DLGAP2: variants seen among roughly 807,000 people sequenced by gnomAD.
DLGAP2 encodes DLG associated protein 2, also known as disks large-associated protein 2.
A neutral mutation model predicts 100.3 loss-of-function variants in DLGAP2; 26 were observed. The observed-to-expected ratio is 0.26, with a 90% CI of 0.19 to 0.36. The LOEUF is 0.36. Among genes scored for constraint, DLGAP2 ranks in the 10% least tolerant of loss-of-function variants. The probability of loss-of-function intolerance (pLI) is 1.00; values close to 1 mark genes in which losing one functional copy is unlikely to be tolerated. For missense variants in DLGAP2, 1,858 were observed against 1,453.2 expected, an observed-to-expected ratio of 1.28 and a Z score of -4.53; for synonymous variants, 886 against 630.1, an observed-to-expected ratio of 1.41 and a Z score of -6.08.
chr8:1,524,691 C>A (rs767939297), intron 4 of DLGAP2, among the ~76,000 whole-genome samples: 22 of 152,272 alleles, frequency 1.4e-4, no homozygotes, highest in Middle Eastern at 3.4e-3. Flanking sequence ...AAAACCTTCT[C>A]ATTGCCTTTC....
chr8:1,184,580 C>T (rs1264508630), intron 2 of DLGAP2, among the ~76,000 whole-genome samples: 1 of 152,192 alleles, frequency 6.6e-6, no homozygotes, highest in Non-Finnish European at 1.5e-5. Context: ...GGTCGACCTG[C>T]ATCTTAAACT....
At chr8:1,224,088 C>G (rs757772516) in intron 2 of DLGAP2, among the ~76,000 whole-genome samples, 9 of 152,156 alleles carry the variant, frequency 5.9e-5, no homozygotes, top group Non-Finnish European at 5.9e-5. Context: ...TTTGTGGCAT[C>G]GTGGCAGACA....
At chr8:1,151,264 T>C (rs1796692025) in intron 2 of DLGAP2, among the ~76,000 whole-genome samples, 1 of 152,160 alleles carries the variant, frequency 6.6e-6, no homozygotes, top group Non-Finnish European at 1.5e-5. Flanking sequence ...AGGAGAAAAG[T>C]CATACACATT....
intron 1 of DLGAP2, among the ~76,000 whole-genome samples, chr8:903,111 C>G (rs2128997819): frequency 6.6e-6 from 1 of 152,060 alleles, no homozygotes; most frequent in South Asian, 2.1e-4. Flanking sequence ...AAGCGGCCGT[C>G]AGAGTCCCTA....
intron 2 of DLGAP2, among the ~76,000 whole-genome samples, chr8:1,142,637 G>A (rs978601924): frequency 4.6e-5 from 7 of 152,180 alleles, no homozygotes; most frequent in Admixed American, 2.6e-4. Flanking sequence ...TGGGAAGTGC[G>A]GCGACTTCGG....
intron 2 of DLGAP2, among the ~76,000 whole-genome samples, chr8:1,102,239 A>G (rs1804608430): frequency 6.8e-6 from 1 of 147,910 alleles, no homozygotes; most frequent in African/African-American, 2.5e-5. Flanking sequence ...TCAAGCTTTT[A>G]CTGATTAATA....
intron 6 of DLGAP2, among the ~76,000 whole-genome samples, chr8:1,610,457 C>A (rs1187481059): frequency 1.4e-5 from 2 of 147,000 alleles, no homozygotes; most frequent in African/African-American, 2.5e-5. Context: ...AAATTGACAC[C>A]CTAACATCAC....
intron 2 of DLGAP2, among the ~76,000 whole-genome samples, chr8:1,221,005 A>G (rs762457156): frequency 3.3e-5 from 5 of 152,168 alleles, no homozygotes; most frequent in Admixed American, 3.3e-4. Flanking sequence ...CACATGTGAG[A>G]TGAGTCTCTT....
intron 2 of DLGAP2, among the ~76,000 whole-genome samples, chr8:1,121,187 G>A (rs1428527535): frequency 1.4e-4 from 13 of 95,998 alleles, no homozygotes; most frequent in South Asian, 3.7e-4. Context: ...ATGACCACCC[G>A]TCCTCCCCTT....
Position 1,668,686 on chromosome 8 carries a change from C to T in DLGAP2, c.2160+8C>T, listed in dbSNP as rs1798610994. 7.2e-6 allele frequency: 11 copies of T among 1,517,592 alleles called. No homozygotes were observed. In the South Asian group the frequency reaches 7.6e-5, roughly 11 times the overall value. 94.0% of individuals were successfully genotyped at this position (1,517,592 alleles called of 1,614,324 possible). On this transcript the variant is annotated splice_region_variant and intron_variant, in intron 9 of 14. Transcript: ENST00000637795. ...TCCTCCATCGGGATTCAGGTAGCTG[C>T]TCTTGGCCGCCCGTCAGGGCCTCGC... is the stretch of plus-strand genomic sequence containing the variant.
At chr8:1,384,470 GGCCCC>G in intron 3 of DLGAP2, among the ~76,000 whole-genome samples, 2 of 73,090 alleles carry the variant, frequency 2.7e-5, no homozygotes, top group African/African-American at 4.9e-5. Flanking sequence ...GCCTGTGCCC[GGCCCC>G]TGAGAACTTG....
intron 12 of DLGAP2, among the ~76,000 whole-genome samples, chr8:1,686,600 G>A (rs899735281): frequency 1.3e-5 from 2 of 152,052 alleles, no homozygotes; most frequent in African/African-American, 4.8e-5. Flanking sequence ...CTTGAACCTG[G>A]GAGGCAGAGG....
rs570083654 is a variant in DLGAP2 at position 770,262 on chromosome 8, G to A, written c.18+32437G>A. Among the ~76,000 whole-genome samples, 17 of 152,208 alleles carry A rather than the reference G, an allele frequency of 1.1e-4. 1 individual carries two copies. The highest frequency in any genetic ancestry group is 2.0e-4 in the Admixed American group (3 of 15,292). ...GTCAGGGGTGAGGGAGAGTGCGTGC[G>A]TGGCGTGCGTGGCTCAGAGGGAGGA... On this transcript the variant is annotated intron_variant, in intron 1 of 14. Transcript: ENST00000637795.
At chr8:1,164,423 G>A (rs1350276355) in intron 2 of DLGAP2, among the ~76,000 whole-genome samples, 4 of 121,374 alleles carry the variant, frequency 3.3e-5, no homozygotes, top group Non-Finnish European at 5.5e-5. Flanking sequence ...CTGGAGCTGC[G>A]ATTCAGCCCC....
At chr8:813,479 A>G (rs1365748675) in intron 1 of DLGAP2, among the ~76,000 whole-genome samples, 1 of 152,230 alleles carries the variant, frequency 6.6e-6, no homozygotes. Context: ...TGAAATAGAA[A>G]CATGAACTCT....
At chr8:1,695,029 T>C (rs1293719476) in intron 13 of DLGAP2, among the ~76,000 whole-genome samples, 1 of 152,166 alleles carries the variant, frequency 6.6e-6, no homozygotes, top group Non-Finnish European at 1.5e-5. Context: ...GGGTGTGTTG[T>C]TGCCGAGGAG....
chr8:1,312,517 A>T (rs1300927831), intron 3 of DLGAP2, among the ~76,000 whole-genome samples: 2 of 152,170 alleles, frequency 1.3e-5, no homozygotes, highest in Non-Finnish European at 2.9e-5. Context: ...GAACAGATTC[A>T]GGGTTTCTGG....
chr8:1,164,264 C>CCCCCCAGGGCCCG (rs1796963712), intron 2 of DLGAP2, among the ~76,000 whole-genome samples: 1 of 43,842 alleles, frequency 2.3e-5, no homozygotes, highest in Non-Finnish European at 4.2e-5. Flanking sequence ...CCCAGGGCCC[C>CCCCCCAGGGCCCG]TCGTTTTGGT....
At chr8:1,660,429 C>T (rs2130823828) in intron 8 of DLGAP2, among the ~76,000 whole-genome samples, 1 of 152,294 alleles carries the variant, frequency 6.6e-6, no homozygotes, top group East Asian at 1.9e-4. Context: ...CATATACGCC[C>T]ACTGTAAGTG....
Sources: allele counts gnomAD v4.1 joint callset (sites outside exome capture counted in the v4.1 genomes callset), GRCh38; gene constraint gnomAD v4.1.1; transcripts MANE v1.5; gene names NCBI Gene and HGNC (gene_info 2026-07-23, HGNC 2026-07-21).